KATNIP: variants seen among roughly 807,000 people sequenced by gnomAD.
KATNIP encodes the protein katanin-interacting protein.
Under a neutral mutation model 174.0 loss-of-function variants are expected in KATNIP, and 126 were observed. The ratio of observed to expected loss-of-function variants is 0.72; its 90% CI spans 0.63 to 0.84. The LOEUF is 0.84. KATNIP is among the 40% of genes least tolerant of loss of function. The pLI, the probability that KATNIP is intolerant of heterozygous loss-of-function variation, is 0.00. For synonymous variants in KATNIP, 810 were observed against 835.7 expected, an observed-to-expected ratio of 0.97 and a Z score of 0.53; for missense variants, 1,958 against 2,109.7, an observed-to-expected ratio of 0.93 and a Z score of 1.41.
Position 27,754,352 on chromosome 16 carries a change from G to A in KATNIP, c.3631+101G>A, listed in dbSNP as rs1488407915. 1.2e-5 allele frequency: 12 copies of A among 983,064 alleles called. No individual in the cohort carries two copies. The East Asian group carries it at 2.8e-4, about 23-fold the overall frequency. The allele number at this position is 983,064 out of a possible 1,614,324, so 60.9% of individuals were successfully genotyped here. On this transcript the variant is annotated intron_variant, in intron 18 of 27. Transcript: ENST00000261588. Reference sequence around the variant, plus strand: ...ACAGGGTTTCGCTGGACAATCGGGTGGGTTGGACACTGTACAGAGACACCA... The same window carrying A: ...ACAGGGTTTCGCTGGACAATCGGGTAGGTTGGACACTGTACAGAGACACCA...
At chr16:27,572,241 C>T (rs183271887) in intron 1 of KATNIP, among the ~76,000 whole-genome samples, 7 of 151,984 alleles carry the variant, frequency 4.6e-5, no homozygotes, top group East Asian at 3.9e-4. Flanking sequence ...CATGGCAAAA[C>T]GCCCATCTCT....
intron 2 of KATNIP, among the ~76,000 whole-genome samples, chr16:27,577,803 T>C (rs186794130): frequency 1.3e-5 from 2 of 151,378 alleles, no homozygotes; most frequent in Admixed American, 6.6e-5. Flanking sequence ...AGCCCAGGAG[T>C]TCGAGGCTGC....
In KATNIP at chr16:27,601,549, C is replaced by T. The variant is rs749600789; in HGVS notation, c.64-16876C>T. ...CAGGCTGACCTCGAACTCCTGAGCTCGAGTGATCCTCCTGCTTTGGCCTCC... is the reference window on the plus strand; with the variant it reads ...CAGGCTGACCTCGAACTCCTGAGCTTGAGTGATCCTCCTGCTTTGGCCTCC... On this transcript the variant is annotated intron_variant, in intron 2 of 27. Transcript: ENST00000261588. Among the ~76,000 whole-genome samples, 7 of 152,222 alleles carry T rather than the reference C, an allele frequency of 4.6e-5. No individual in the cohort carries two copies. The South Asian group carries it at 6.2e-4, about 14-fold the overall frequency.
chr16:27,564,883 C>G (rs2090025941), intron 1 of KATNIP, among the ~76,000 whole-genome samples: 1 of 151,970 alleles, frequency 6.6e-6, no homozygotes, highest in Non-Finnish European at 1.5e-5. Context: ...CCTGCCTCAG[C>G]CTCCATAGTA....
At chr16:27,559,984 A>T (rs372051907) in intron 1 of KATNIP, among the ~76,000 whole-genome samples, 26 of 151,430 alleles carry the variant, frequency 1.7e-4, no homozygotes, top group Non-Finnish European at 2.2e-4. Context: ...CTGTATAAAA[A>T]AAATAAATAA....
At chr16:27,768,166 A>G (rs1249616873) in intron 20 of KATNIP, among the ~76,000 whole-genome samples, 1 of 152,168 alleles carries the variant, frequency 6.6e-6, no homozygotes, top group Admixed American at 6.5e-5. Context: ...CTCAGATCCC[A>G]CACCCCAAAA....
At chr16:27,696,771 C>T (rs937728562) in intron 8 of KATNIP, among the ~76,000 whole-genome samples, 6 of 151,262 alleles carry the variant, frequency 4.0e-5, no homozygotes, top group African/African-American at 1.5e-4. Context: ...TCTTGTTGCC[C>T]TGGCCGGAGT....
At chr16:27,654,036 T>C (rs1355710811) in intron 6 of KATNIP, among the ~76,000 whole-genome samples, 1 of 152,106 alleles carries the variant, frequency 6.6e-6, no homozygotes, top group African/African-American at 2.4e-5. Flanking sequence ...AGTGCAGTGG[T>C]GAGATCTTGG....
chr16:27,672,671 A>G lies in KATNIP; in HGVS notation c.541-5058A>G, dbSNP rs531849874. On this transcript the variant is annotated intron_variant, in intron 6 of 27. Coordinates refer to ENST00000261588, the MANE Select transcript of KATNIP (RefSeq NM_015202.5). Reference sequence around the variant, plus strand: ...CGTGGATAATCTAGAAGGAGCAAGGAGGAGTGGCGGAGTGCAGAAGTCACA... The same window carrying G: ...CGTGGATAATCTAGAAGGAGCAAGGGGGAGTGGCGGAGTGCAGAAGTCACA... Among the ~76,000 whole-genome samples the G allele has an allele frequency of 6.6e-4, 101 of 152,316 alleles. 1 individual carries two copies. The highest frequency in any genetic ancestry group is 2.4e-3 in the African/African-American group (98 of 41,580).
At position 27,740,336 on chromosome 16, in the gene KATNIP, A is replaced by T; in HGVS notation, c.2039A>T (p.Lys680Ile). The part of the protein sequence containing the change: ...KLSSQGNVSG[K>I]RKNSTNCRKD... ...TCTTCACAAGGAAATGTGTCTGGCA[A>T]AAGAAAGAATTCTACTAATTGCAGG... Residue 680 changes from lysine (K) to isoleucine (I), a missense_variant, in exon 15 of 28, where the codon AAA becomes ATA. Physicochemically the swap from Lys to Ile is moderately radical, Grantham distance 102. Coordinates refer to ENST00000261588, the MANE Select transcript of KATNIP (RefSeq NM_015202.5). 6.2e-7 allele frequency: 1 copy of T among 1,614,256 alleles called. No individual in the cohort carries two copies. Among genetic ancestry groups the T allele is most frequent in the Non-Finnish European group, 8.5e-7 (1 of 1,180,044 alleles).
chr16:27,550,519 T>G (rs761337437), intron 1 of KATNIP, among the ~76,000 whole-genome samples: 1 of 152,014 alleles, frequency 6.6e-6, no homozygotes, highest in Non-Finnish European at 1.5e-5. Flanking sequence ...GGAGTTGATA[T>G]GAAAACAAGC....
chr16:27,733,464 A>G (rs1179025048), intron 14 of KATNIP, among the ~76,000 whole-genome samples: 1 of 152,066 alleles, frequency 6.6e-6, no homozygotes, highest in East Asian at 1.9e-4. Context: ...TCCTTTTCAA[A>G]ATCCATTGCA....
At chr16:27,771,016 C>G (rs1244491476) in intron 21 of KATNIP, among the ~76,000 whole-genome samples, 1 of 152,222 alleles carries the variant, frequency 6.6e-6, no homozygotes, top group African/African-American at 2.4e-5. Flanking sequence ...GTGGAAGGTT[C>G]AGCTCTGGCA....
chr16:27,579,203 T>G (rs1207286850), intron 2 of KATNIP, among the ~76,000 whole-genome samples: 1 of 152,192 alleles, frequency 6.6e-6, no homozygotes, highest in African/African-American at 2.4e-5. Flanking sequence ...CAGGGCACTG[T>G]GGGGCTCATG....
intron 6 of KATNIP, 52 bp downstream of exon 6, chr16:27,648,787 C>A: frequency 1.3e-6 from 2 of 1,589,702 alleles, no homozygotes; most frequent in Non-Finnish European, 1.7e-6. Context: ...CGGCGAGGCT[C>A]GGTGCTGCAG....
At chr16:27,677,579 C>A in intron 6 of KATNIP, 150 bp from the exon 7 acceptor site, 1 of 793,386 alleles carries the variant, frequency 1.3e-6, no homozygotes, top group South Asian at 1.9e-5. Flanking sequence ...GTTTTCTCGT[C>A]TTCAAAGCAG....
At chr16:27,731,046 T>A (rs909116119) in intron 14 of KATNIP, among the ~76,000 whole-genome samples, 2 of 152,176 alleles carry the variant, frequency 1.3e-5, no homozygotes, top group African/African-American at 4.8e-5. Context: ...TGTGACCCCT[T>A]CACCTACAGC....
At chr16:27,603,507 C>T (rs2075601167) in intron 2 of KATNIP, among the ~76,000 whole-genome samples, 1 of 152,138 alleles carries the variant, frequency 6.6e-6, no homozygotes, top group South Asian at 2.1e-4. Context: ...GGGTACACCT[C>T]CCCAGAGAGG....
At chr16:27,733,690 CAGA>C (rs1359534801) in intron 14 of KATNIP, among the ~76,000 whole-genome samples, 1 of 151,776 alleles carries the variant, frequency 6.6e-6, no homozygotes, top group African/African-American at 2.4e-5. Flanking sequence ...TGGAAGAAGA[CAGA>C]AGAAGGGAGA....
Sources: allele counts gnomAD v4.1 joint callset (sites outside exome capture counted in the v4.1 genomes callset), GRCh38; gene constraint gnomAD v4.1.1; transcripts MANE v1.5; gene names NCBI Gene and HGNC (gene_info 2026-07-23, HGNC 2026-07-21).